The following CSMD1 variants were observed in gnomAD, a reference collection of about 807,000 sequenced individuals.
CSMD1 encodes CUB and sushi domain-containing protein 1.
A neutral mutation model predicts 417.5 loss-of-function variants in CSMD1; 213 were observed. That is an observed-to-expected ratio of 0.51 (90% CI 0.46 to 0.57). The LOEUF is 0.57. CSMD1 is among the 20% of genes least tolerant of loss of function. The probability of loss-of-function intolerance (pLI) is 0.00; values close to 1 mark genes in which losing one functional copy is unlikely to be tolerated. For synonymous variants in CSMD1, 2,862 were observed against 1,736.8 expected (o/e 1.65, Z -16.11); for missense variants, 6,923 against 4,529.7 (o/e 1.53, Z -15.17).
Position 4,656,822 on chromosome 8 carries a change from T to C in CSMD1, c.86-19264A>G, listed in dbSNP as rs146317471. Among the ~76,000 whole-genome samples the C allele has an allele frequency of 1.5e-3, 224 of 152,098 alleles. 1 individual carries two copies. The highest frequency in any genetic ancestry group is 5.2e-3 in the African/African-American group (214 of 41,494). On this transcript the variant is annotated intron_variant, in intron 1 of 69. Transcript: ENST00000635120. ...GGATTCTCGGTGTAAAGGAGAACCCTTCCCCAGAGAAACCACATTTACTAA... is the reference window on the plus strand; with the variant it reads ...GGATTCTCGGTGTAAAGGAGAACCCCTCCCCAGAGAAACCACATTTACTAA...
chr8:4,068,423 G>C (rs565329464), intron 3 of CSMD1, among the ~76,000 whole-genome samples: 4 of 152,170 alleles, frequency 2.6e-5, no homozygotes, highest in African/African-American at 7.2e-5. Flanking sequence ...TGAAAAGCAC[G>C]GTTACAGAAA....
At chr8:4,374,015 G>C (rs776003479) in intron 3 of CSMD1, among the ~76,000 whole-genome samples, 11 of 152,150 alleles carry the variant, frequency 7.2e-5, no homozygotes, top group Non-Finnish European at 1.2e-4. Flanking sequence ...CAGAAATTAA[G>C]ACAGAATTCT....
chr8:4,365,433 A>G (rs1212705109), intron 3 of CSMD1, among the ~76,000 whole-genome samples: 1 of 152,214 alleles, frequency 6.6e-6, no homozygotes, highest in East Asian at 1.9e-4. Flanking sequence ...GGGAAAAATA[A>G]AAGACAACAT....
At chr8:4,658,464 C>T (rs78517151) in intron 1 of CSMD1, among the ~76,000 whole-genome samples, 4,849 of 152,082 alleles carry the variant, frequency 0.032, 121 homozygotes, top group East Asian at 0.12. Context: ...AAAGCAGTGA[C>T]GCAAAAAAGC....
intron 5 of CSMD1, among the ~76,000 whole-genome samples, chr8:3,894,367 C>T (rs866501920): frequency 1.1e-4 from 16 of 152,236 alleles, no homozygotes; most frequent in South Asian, 6.2e-4. Context: ...ATGGGTGTTG[C>T]AACTCAAGGG....
chr8:4,047,332 C>G (rs544803445), intron 3 of CSMD1, among the ~76,000 whole-genome samples: 43 of 152,254 alleles, frequency 2.8e-4, no homozygotes, highest in African/African-American at 1.0e-3. Context: ...ACAAAATGAT[C>G]TTCTACCCAA....
At chr8:4,262,293 G>A (rs1803941619) in intron 3 of CSMD1, among the ~76,000 whole-genome samples, 1 of 152,072 alleles carries the variant, frequency 6.6e-6, no homozygotes, top group Admixed American at 6.6e-5. Flanking sequence ...TTCCTTTCTT[G>A]CTGCCAGGCG....
chr8:4,491,165 G>A (rs1585159498), intron 2 of CSMD1, among the ~76,000 whole-genome samples: 1 of 152,266 alleles, frequency 6.6e-6, no homozygotes, highest in South Asian at 2.1e-4. Context: ...GTTTACCTAT[G>A]TAACAATCTG....
At chr8:4,788,165 G>C (rs1797509460) in intron 1 of CSMD1, 3 of 1,596,942 alleles carry the variant, frequency 1.9e-6, no homozygotes, top group Non-Finnish European at 2.6e-6. Context: ...AAAAAATCAA[G>C]AAGGCCTGTG....
chr8:3,877,644 G>C (rs1177317093), intron 5 of CSMD1, among the ~76,000 whole-genome samples: 2 of 151,598 alleles, frequency 1.3e-5, no homozygotes, highest in East Asian at 1.9e-4. Flanking sequence ...CCTTACAGTA[G>C]AATGTCTATT....
chr8:3,943,423 TAAAA>T (rs5889003), intron 5 of CSMD1, among the ~76,000 whole-genome samples: 2 of 137,182 alleles, frequency 1.5e-5, no homozygotes, highest in Admixed American at 7.4e-5. Flanking sequence ...TTTTTTTCAT[TAAAA>T]AAAAAAAAAC....
rs1409633117 is a variant in CSMD1, at chr8:3,956,562, T to C, written c.818+41341A>G. The stretch of plus-strand genomic sequence containing the variant: ...TGGCTACTTTTTATCAAATACTTAA[T>C]ATGTATCAAATACTGTGCCCCATGT... On this transcript the variant is annotated intron_variant, in intron 5 of 69. Transcript: ENST00000635120. 1.1e-4 allele frequency among the ~76,000 whole-genome samples: 16 copies of C among 152,214 alleles called. No homozygotes were observed. The East Asian group carries it at 3.1e-3, about 29-fold the overall frequency.
chr8:4,365,987 G>A lies in CSMD1; in HGVS notation c.415+53966C>T, dbSNP rs1370729. On this transcript the variant is annotated intron_variant, in intron 3 of 69. Coordinates refer to ENST00000635120, the MANE Select transcript of CSMD1 (RefSeq NM_033225.6). ...GTACAGGTTTGTTCATGGGGAAACT[G>A]TGTGTTGTTGAGGCTTGATTTAGGA... Among the ~76,000 whole-genome samples, 1,123 of 152,212 alleles carry A rather than the reference G, an allele frequency of 7.4e-3. 12 individuals are homozygous for A. The highest frequency in any genetic ancestry group is 0.026 in the African/African-American group (1,070 of 41,516).
intron 7 of CSMD1, among the ~76,000 whole-genome samples, chr8:3,653,016 C>G (rs547754952): frequency 1.3e-5 from 2 of 152,236 alleles, no homozygotes; most frequent in Admixed American, 1.3e-4. Context: ...TCAAATTATA[C>G]TAGAAGCCAA....
chr8:3,425,041 T>C (rs1225089231), intron 12 of CSMD1, among the ~76,000 whole-genome samples: 1 of 152,118 alleles, frequency 6.6e-6, no homozygotes, highest in Non-Finnish European at 1.5e-5. Context: ...GGTCTCACTA[T>C]GTTGACCAGC....
chr8:3,970,833 C>A (rs953131323), intron 5 of CSMD1, among the ~76,000 whole-genome samples: 69 of 152,192 alleles, frequency 4.5e-4, no homozygotes, highest in African/African-American at 1.5e-3. Flanking sequence ...CTCACTGCAA[C>A]CTCCGCCTCC....
chr8:3,925,312 A>G lies in CSMD1; in HGVS notation c.818+72591T>C, dbSNP rs117607013. On this transcript the variant is annotated intron_variant, in intron 5 of 69. Coordinates refer to ENST00000635120, the MANE Select transcript of CSMD1 (RefSeq NM_033225.6). ...CCCAAGAGGTGAAGCATCAGAGTAAAGTACTTGTGCATTTATATATTATAT... is the reference window on the plus strand; with the variant it reads ...CCCAAGAGGTGAAGCATCAGAGTAAGGTACTTGTGCATTTATATATTATAT... Among the ~76,000 whole-genome samples, 466 of 152,364 alleles carry G rather than the reference A, an allele frequency of 3.1e-3. 1 individual carries two copies. The highest frequency in any genetic ancestry group is 4.9e-3 in the Admixed American group (75 of 15,296).
intron 12 of CSMD1, among the ~76,000 whole-genome samples, chr8:3,440,460 T>A (rs960538535): frequency 1.3e-5 from 2 of 152,206 alleles, no homozygotes; most frequent in African/African-American, 4.8e-5. Flanking sequence ...TATTATTATA[T>A]AGAAATACAG....
chr8:3,954,859 G>A (rs1054817536), intron 5 of CSMD1, among the ~76,000 whole-genome samples: 3 of 152,160 alleles, frequency 2.0e-5, no homozygotes, highest in East Asian at 3.9e-4. Flanking sequence ...CATGTGCATT[G>A]GAGTCTTTCT....
Sources: gnomAD v4.1 joint callset for allele counts (sites outside exome capture counted in the v4.1 genomes callset) on GRCh38, gnomAD v4.1.1 for gene constraint, MANE v1.5 for transcripts, NCBI Gene and HGNC (gene_info 2026-07-23, HGNC 2026-07-21) for gene names.